ZNF423: variants seen among roughly 807,000 people sequenced by gnomAD.
ZNF423 encodes the protein Ebf-associated zinc finger protein.
ZNF423 carries 12 observed loss-of-function variants against 95.8 expected under a neutral mutation model. That is an observed-to-expected ratio of 0.13 (90% CI 0.08 to 0.20). The LOEUF (loss-of-function observed/expected upper bound fraction) is 0.20. ZNF423 is among the 10% of genes least tolerant of loss of function. The pLI is 1.00. For missense variants in ZNF423, 1,316 were observed against 1,737.1 expected (o/e 0.76, Z 4.31); for synonymous variants, 749 against 711.9 (o/e 1.05, Z -0.83).
chr16:49,845,249 C>T lies in ZNF423; in HGVS notation c.40+10486G>A, dbSNP rs1351473340. ...CCTCCTGGGTAGCTGAGATTACAGG[C>T]GCATGCCACCACGCCTGGCTATTTT... is the stretch of plus-strand genomic sequence containing the variant. On this transcript the variant is annotated intron_variant, in intron 1 of 7. Transcript: ENST00000563137. Among the ~76,000 whole-genome samples the T allele has an allele frequency of 4.0e-5, 6 of 151,600 alleles. No homozygotes were observed. The East Asian group carries it at 6.0e-4, about 15-fold the overall frequency.
chr16:49,642,909 C>T (rs1973031568), intron 3 of ZNF423, among the ~76,000 whole-genome samples: 1 of 149,976 alleles, frequency 6.7e-6, no homozygotes, highest in African/African-American at 2.5e-5. Context: ...CAACCTCTGC[C>T]TCCCAGGTTC....
intron 2 of ZNF423, among the ~76,000 whole-genome samples, chr16:49,747,734 T>C (rs376325846): frequency 2.0e-5 from 3 of 151,570 alleles, no homozygotes; most frequent in East Asian, 3.9e-4. Flanking sequence ...AGTGAATAAA[T>C]TGGAGAACCA....
At chr16:49,621,662 C>A (rs891881202) in intron 5 of ZNF423, among the ~76,000 whole-genome samples, 2 of 152,158 alleles carry the variant, frequency 1.3e-5, no homozygotes, top group Non-Finnish European at 2.9e-5. Context: ...GGGACTTTTA[C>A]CCCCGTCAGC....
chr16:49,493,330 C>CCACCTCCCACACAGCCACG (rs1256376211), intron 7 of ZNF423, among the ~76,000 whole-genome samples: 9 of 152,142 alleles, frequency 5.9e-5, no homozygotes, highest in African/African-American at 1.4e-4. Flanking sequence ...CACCTGCAGC[C>CCACCTCCCACACAGCCACG]CACCTCCCAC....
At chr16:49,559,585 TTAATA>T (rs1969951779) in intron 5 of ZNF423, among the ~76,000 whole-genome samples, 1 of 152,220 alleles carries the variant, frequency 6.6e-6, no homozygotes, top group African/African-American at 2.4e-5. Flanking sequence ...AGACCAGGAC[TTAATA>T]TCCTTGTCAA....
chr16:49,487,839 C>G lies in ZNF423; in HGVS notation c.*3436G>C, dbSNP rs552110762. On this transcript the variant is annotated 3_prime_UTR_variant, in exon 8 of 8. Coordinates refer to ENST00000563137, the MANE Select transcript of ZNF423 (RefSeq NM_001379286.1). ...GCCCACCTCCCTTATTTCTTCAGGT[C>G]TCAAGCCCCTGCCTCAGCAAGGCCT... 8.3e-4 allele frequency: 127 copies of G among 152,376 alleles called. No homozygotes were observed. Among genetic ancestry groups the G allele is most frequent in the African/African-American group, 3.0e-3 (126 of 41,580 alleles). The allele number at this position is 152,376 out of a possible 1,614,324, so 9.4% of individuals were successfully genotyped here.
chr16:49,637,961 C>G lies in ZNF423; in HGVS notation c.1215G>C (p.Met405Ile). The G allele has an allele frequency of 6.2e-7, 1 of 1,614,152 alleles. No individual in the cohort carries two copies. The highest frequency in any genetic ancestry group is 1.1e-5 in the South Asian group (1 of 91,088). Reference protein sequence around the residue: ...TLKPLRGQKKMRDDGQGWTKV... With the variant: ...TLKPLRGQKKIRDDGQGWTKV... ...TGGTCCAGCCCTGCCCGTCATCCCG[C>G]ATCTTCTTCTGCCCCCGCAGCGGCT... The change falls in exon 4 of 8, where the codon ATG (methionine) becomes ATC (isoleucine). Residue 405 changes from methionine (M) to isoleucine (I), a missense_variant. Physicochemically the swap from Met to Ile is conservative, Grantham distance 10 (BLOSUM62 1). This residue lies in a region of ZNF423 where 399 missense variants were observed against 478.5 expected (regional missense o/e 0.83). Transcript: ENST00000563137. The surrounding 1 kb of genome is among the most constrained non-coding windows in gnomAD (Gnocchi z 5.6).
upstream of ZNF423, chr16:49,857,901 G>C (rs1305420606): frequency 6.6e-6 from 1 of 152,236 alleles, no homozygotes; most frequent in African/African-American, 2.4e-5. This position sits in a 1 kb window ranked among gnomAD's most constrained non-coding sequence, Gnocchi z 6.2. Flanking sequence ...GGCCCGGGAA[G>C]GGTTCTGACT....
chr16:49,644,700 G>A (rs1489761069), intron 3 of ZNF423, among the ~76,000 whole-genome samples: 4 of 126,880 alleles, frequency 3.2e-5, no homozygotes, highest in African/African-American at 8.7e-5. Flanking sequence ...AAAAAAAACC[G>A]TGAGCCTACA....
chr16:49,775,629 A>G (rs1330543369), intron 2 of ZNF423, among the ~76,000 whole-genome samples: 1 of 152,148 alleles, frequency 6.6e-6, no homozygotes, highest in Non-Finnish European at 1.5e-5. Context: ...GGAAGGTGCA[A>G]TCACTGAGTC....
chr16:49,502,756 C>T (rs1352155899), intron 7 of ZNF423, among the ~76,000 whole-genome samples: 1 of 151,674 alleles, frequency 6.6e-6, no homozygotes, highest in Non-Finnish European at 1.5e-5. Context: ...GTGCACACAC[C>T]ACTCTATATG....
At chr16:49,609,324 T>A (rs927777048) in intron 5 of ZNF423, among the ~76,000 whole-genome samples, 15 of 152,214 alleles carry the variant, frequency 9.9e-5, no homozygotes, top group Middle Eastern at 3.2e-3. Context: ...AAAAATCATC[T>A]ATCCTACCAA....
At chr16:49,512,702 C>T (rs1056872839) in intron 7 of ZNF423, among the ~76,000 whole-genome samples, 2 of 152,234 alleles carry the variant, frequency 1.3e-5, no homozygotes, top group African/African-American at 4.8e-5. Flanking sequence ...AAGTGCTTTA[C>T]ACATGCGAAC....
intron 2 of ZNF423, among the ~76,000 whole-genome samples, chr16:49,740,948 C>A (rs1056128502): frequency 6.6e-6 from 1 of 152,214 alleles, no homozygotes; most frequent in Non-Finnish European, 1.5e-5. Context: ...ACCCCCAGCC[C>A]CTGTCAGGGA....
chr16:49,851,152 G>A lies in ZNF423; in HGVS notation c.40+4583C>T, dbSNP rs150680737. ...TACTTTTCAGCTATAATGGGATACCGTTGTTTTATTTTTAAACAGAATTTG... is the reference window on the plus strand; with the variant it reads ...TACTTTTCAGCTATAATGGGATACCATTGTTTTATTTTTAAACAGAATTTG... On this transcript the variant is annotated intron_variant, in intron 1 of 7. Transcript: ENST00000563137. Among the ~76,000 whole-genome samples, 12 of 152,310 alleles carry A rather than the reference G, an allele frequency of 7.9e-5. No individual in the cohort carries two copies. The East Asian group carries it at 1.2e-3, about 15-fold the overall frequency.
rs191698522 is a variant in ZNF423, at chr16:49,542,677, C to T, written c.3602-17183G>A. Among the ~76,000 whole-genome samples, 6 of 152,366 alleles carry T rather than the reference C, an allele frequency of 3.9e-5. No individual in the cohort carries two copies. The East Asian group carries it at 1.2e-3, about 29-fold the overall frequency. On this transcript the variant is annotated intron_variant, in intron 5 of 7. Coordinates refer to ENST00000563137, the MANE Select transcript of ZNF423 (RefSeq NM_001379286.1). ...CCATAGCCAGTTCAGACACTCTCAA[C>T]AACCACTTTGTCTGGCTGGGTGCAG...
chr16:49,806,039 C>A (rs924585598), intron 1 of ZNF423, among the ~76,000 whole-genome samples: 1 of 152,250 alleles, frequency 6.6e-6, no homozygotes, highest in Non-Finnish European at 1.5e-5. Context: ...TTAATCTCCT[C>A]GTTCATACAT....
At chr16:49,734,791 T>C (rs1319512001) in intron 2 of ZNF423, among the ~76,000 whole-genome samples, 1 of 152,266 alleles carries the variant, frequency 6.6e-6, no homozygotes, top group East Asian at 1.9e-4. Flanking sequence ...TGTTTTCTGA[T>C]GTGCACACCT....
intron 7 of ZNF423, among the ~76,000 whole-genome samples, chr16:49,515,085 C>T (rs958474521): frequency 4.6e-5 from 7 of 152,270 alleles, no homozygotes; most frequent in Admixed American, 3.9e-4. Context: ...TCCCTATCTC[C>T]GTGACGAGAA....
Sources: allele counts gnomAD v4.1 joint callset (sites outside exome capture counted in the v4.1 genomes callset), GRCh38; gene constraint gnomAD v4.1.1; regional missense constraint gnomAD v4.1.1; non-coding constraint Gnocchi (gnomAD v3.1); transcripts MANE v1.5; gene names NCBI Gene and HGNC (gene_info 2026-07-23, HGNC 2026-07-21).